HCN1: variants seen among roughly 807,000 people sequenced by gnomAD.
The protein encoded by HCN1 is hyperpolarization activated cyclic nucleotide gated potassium channel 1.
HCN1 carries 13 observed loss-of-function variants against 78.9 expected under a neutral mutation model. That is an observed-to-expected ratio of 0.16 (90% CI 0.11 to 0.26). The LOEUF (loss-of-function observed/expected upper bound fraction) is 0.26. Ranked by LOEUF, HCN1 falls within the 10% of genes least tolerant of loss-of-function variation. The pLI is 1.00. For missense variants in HCN1, 810 were observed against 1,154.3 expected (o/e 0.70, Z 4.32); for synonymous variants, 552 against 455.5 (o/e 1.21, Z -2.70).
At chr5:45,595,856 C>T (rs1003691290) in intron 2 of HCN1, among the ~76,000 whole-genome samples, 8 of 150,728 alleles carry the variant, frequency 5.3e-5, no homozygotes, top group Non-Finnish European at 8.8e-5. Flanking sequence ...TACTTTATAA[C>T]GAGTTTATCA....
At chr5:45,341,368 C>T (rs1440608215) in intron 5 of HCN1, among the ~76,000 whole-genome samples, 1 of 152,206 alleles carries the variant, frequency 6.6e-6, no homozygotes, top group African/African-American at 2.4e-5. Context: ...AAAAATTAAA[C>T]TTAAGCAAAC....
chr5:45,608,634 A>G (rs2111975030), intron 2 of HCN1, among the ~76,000 whole-genome samples: 1 of 152,130 alleles, frequency 6.6e-6, no homozygotes, highest in South Asian at 2.1e-4. Flanking sequence ...ACAGTATATG[A>G]AAATCAATTT....
At position 45,257,706 on chromosome 5, in the gene HCN1, G is replaced by T. The variant is rs1205503673; in HGVS notation, c.*4215C>A. 1.3e-5 allele frequency: 2 copies of T among 152,072 alleles called. No homozygotes were observed. The highest frequency in any genetic ancestry group is 4.8e-5 in the African/African-American group (2 of 41,398). 9.4% of individuals were successfully genotyped at this position (152,072 alleles called of 1,614,324 possible). On this transcript the variant is annotated 3_prime_UTR_variant, in exon 8 of 8. Transcript: ENST00000303230. ...GCTTAAGAAAGTCATTGCTTTTGAGGGGTAATAGCAGGTGTACTTCCCTAA... is the reference window on the plus strand; with the variant it reads ...GCTTAAGAAAGTCATTGCTTTTGAGTGGTAATAGCAGGTGTACTTCCCTAA...
intron 2 of HCN1, among the ~76,000 whole-genome samples, chr5:45,586,876 G>C (rs1266489920): frequency 6.6e-6 from 1 of 152,108 alleles, no homozygotes; most frequent in East Asian, 1.9e-4. Flanking sequence ...TAAACCTTTT[G>C]AAATACTCCT....
chr5:45,658,692 G>T (rs4502839), intron 1 of HCN1, among the ~76,000 whole-genome samples: 15 of 150,442 alleles, frequency 1.0e-4, no homozygotes, highest in East Asian at 8.0e-4. Context: ...AAAGGGGTGA[G>T]GGACGCACCT....
chr5:45,565,598 C>G (rs1342281326), intron 2 of HCN1, among the ~76,000 whole-genome samples: 1 of 151,902 alleles, frequency 6.6e-6, no homozygotes, highest in Non-Finnish European at 1.5e-5. Flanking sequence ...TGAGGAAGGA[C>G]AATTGCTTAA....
chr5:45,663,077 CA>C (rs1191700111), intron 1 of HCN1, among the ~76,000 whole-genome samples: 2 of 149,486 alleles, frequency 1.3e-5, no homozygotes, highest in African/African-American at 4.9e-5. Context: ...CTACAGTAAC[CA>C]AAACAGCATG....
chr5:45,629,425 A>T (rs72763944), intron 2 of HCN1, among the ~76,000 whole-genome samples: 8 of 152,310 alleles, frequency 5.3e-5, no homozygotes, highest in Non-Finnish European at 8.8e-5. Context: ...ACATTCACTG[A>T]GACAGACCAT....
intron 3 of HCN1, among the ~76,000 whole-genome samples, chr5:45,440,090 A>G (rs1740642283): frequency 6.6e-6 from 1 of 150,768 alleles, no homozygotes; most frequent in Non-Finnish European, 1.5e-5. Flanking sequence ...TTGGAGTAAA[A>G]GTTGAGAATT....
At chr5:45,583,612 G>T (rs1744135919) in intron 2 of HCN1, among the ~76,000 whole-genome samples, 1 of 152,076 alleles carries the variant, frequency 6.6e-6, no homozygotes, top group Non-Finnish European at 1.5e-5. Context: ...TTTTAATTGT[G>T]ATGTTAGGGT....
Position 45,460,450 on chromosome 5 carries a change from C to A in HCN1, c.1011+1396G>T, listed in dbSNP as rs923358390. 5.9e-5 allele frequency among the ~76,000 whole-genome samples: 9 copies of A among 152,092 alleles called. No individual in the cohort carries two copies. In the East Asian group the frequency reaches 1.7e-3, roughly 29 times the overall value. Reference sequence around the variant, plus strand: ...TATAAATTACCCAGTCCATAGTATTCTATTATAGCAGCACAAAATACACCA... The same window carrying A: ...TATAAATTACCCAGTCCATAGTATTATATTATAGCAGCACAAAATACACCA... On this transcript the variant is annotated intron_variant, in intron 3 of 7. Coordinates refer to ENST00000303230, the MANE Select transcript of HCN1 (RefSeq NM_021072.4).
At chr5:45,669,878 T>C (rs1315353802) in intron 1 of HCN1, among the ~76,000 whole-genome samples, 1 of 151,866 alleles carries the variant, frequency 6.6e-6, no homozygotes, top group African/African-American at 2.4e-5. Flanking sequence ...AGGAAAGTCA[T>C]AGAAAACATT....
rs890637108 is a variant in HCN1 at position 45,461,864 on chromosome 5, C to T, written c.993G>A (p.Val331=). ...TACTTACAACCATTTCATTTAAAGA[C>T]ACCCAGCAATCTGGTGGGAAGTCCT... The part of the protein sequence containing the change: ...LLQDFPPDCW[V]SLNEMVNDSW... The change falls in exon 3 of 8, where the codon GTG becomes GTA. Residue 331 remains valine (V), a synonymous_variant. Coordinates refer to ENST00000303230, the MANE Select transcript of HCN1 (RefSeq NM_021072.4). 104 of 1,613,174 alleles carry T rather than the reference C, an allele frequency of 6.4e-5. No individual in the cohort carries two copies. The highest frequency in any genetic ancestry group is 8.6e-5 in the Non-Finnish European group (102 of 1,179,504).
At chr5:45,267,033 C>T (rs1744872587) in intron 7 of HCN1, 56 bp downstream of exon 7, 1 of 1,443,226 alleles carries the variant, frequency 6.9e-7, no homozygotes, top group Non-Finnish European at 9.8e-7. Context: ...TAATTGCAAA[C>T]CTGTATTATG....
intron 3 of HCN1, among the ~76,000 whole-genome samples, chr5:45,443,927 G>A (rs1015898679): frequency 6.6e-6 from 1 of 151,990 alleles, no homozygotes; most frequent in East Asian, 1.9e-4. Flanking sequence ...TTCAGTCAAG[G>A]ATTTCATCAT....
chr5:45,692,905 C>T (rs1739941939), intron 1 of HCN1, among the ~76,000 whole-genome samples: 1 of 152,110 alleles, frequency 6.6e-6, no homozygotes, highest in Non-Finnish European at 1.5e-5. Flanking sequence ...TTAAAAGTGT[C>T]AAGGAAAAGA....
intron 5 of HCN1, among the ~76,000 whole-genome samples, chr5:45,327,054 T>C (rs1472843101): frequency 1.3e-5 from 2 of 151,676 alleles, no homozygotes; most frequent in African/African-American, 4.8e-5. Flanking sequence ...CATTAGAGAA[T>C]TTGTATCTCT....
intron 4 of HCN1, among the ~76,000 whole-genome samples, chr5:45,361,750 T>C (rs2111992104): frequency 6.6e-6 from 1 of 152,316 alleles, no homozygotes; most frequent in African/African-American, 2.4e-5. Flanking sequence ...TGGAAGTTGT[T>C]TACACTACAT....
intron 3 of HCN1, among the ~76,000 whole-genome samples, chr5:45,457,439 G>A (rs1359972302): frequency 6.6e-6 from 1 of 152,014 alleles, no homozygotes; most frequent in African/African-American, 2.4e-5. Flanking sequence ...CTATATCCAA[G>A]ATTTTCATTC....
Sources: gnomAD v4.1 joint callset for allele counts (sites outside exome capture counted in the v4.1 genomes callset) on GRCh38, gnomAD v4.1.1 for gene constraint, MANE v1.5 for transcripts, NCBI Gene and HGNC (gene_info 2026-07-23, HGNC 2026-07-21) for gene names.